The following ARL15 variants were observed in gnomAD, a reference collection of about 807,000 sequenced individuals.
ARL15 encodes ADP-ribosylation factor-like protein 15.
A neutral mutation model predicts 25.2 loss-of-function variants in ARL15; 19 were observed. The observed-to-expected ratio is 0.75, with a 90% CI of 0.53 to 1.10. ARL15 has a LOEUF of 1.10. Among genes scored for constraint, ARL15 ranks in the 50% least tolerant of loss-of-function variants. ARL15 has a pLI of 0.00. For synonymous variants in ARL15, 94 were observed against 86.8 expected (o/e 1.08, Z -0.46); for missense variants, 220 against 246.0 (o/e 0.89, Z 0.71).
chr5:54,145,116 GA>G (rs1753868628), intron 3 of ARL15, among the ~76,000 whole-genome samples: 2 of 151,640 alleles, frequency 1.3e-5, no homozygotes, highest in South Asian at 4.2e-4. Context: ...GGCTATGGAA[GA>G]AAAATATAAA....
chr5:54,021,033 G>A (rs1439790832), intron 4 of ARL15, among the ~76,000 whole-genome samples: 2 of 151,826 alleles, frequency 1.3e-5, no homozygotes, highest in African/African-American at 4.8e-5. Context: ...TTTAAAATCA[G>A]CCATCATAAA....
At chr5:54,178,372 C>G (rs1017629197) in intron 1 of ARL15, among the ~76,000 whole-genome samples, 1 of 152,174 alleles carries the variant, frequency 6.6e-6, no homozygotes, top group African/African-American at 2.4e-5. Flanking sequence ...TTCTCCACAG[C>G]CAGACTACCC....
At chr5:54,023,598 C>T (rs1749684766) in intron 4 of ARL15, among the ~76,000 whole-genome samples, 1 of 151,944 alleles carries the variant, frequency 6.6e-6, no homozygotes, top group Middle Eastern at 3.2e-3. Flanking sequence ...AACTGATACA[C>T]CAAAATATGG....
intron 1 of ARL15, among the ~76,000 whole-genome samples, chr5:54,247,968 A>G (rs1029101465): frequency 2.0e-5 from 3 of 152,186 alleles, no homozygotes; most frequent in Admixed American, 2.0e-4. Flanking sequence ...TTACAGCACG[A>G]AGACAAAAAT....
intron 1 of ARL15, among the ~76,000 whole-genome samples, chr5:54,302,450 G>C (rs932403233): frequency 6.6e-6 from 1 of 151,978 alleles, no homozygotes; most frequent in African/African-American, 2.4e-5. Flanking sequence ...ATTAAATTAG[G>C]TGATCCAAGG....
rs771075344 is a variant in ARL15 at position 53,991,563 on chromosome 5, G to GAAAAAAAAAAAAAAA, written c.463-104851_463-104850insTTTTTTTTTTTTTTT. 2.3e-5 allele frequency among the ~76,000 whole-genome samples: 3 copies of GAAAAAAAAAAAAAAA among 127,928 alleles called. 1 individual carries two copies. The highest frequency in any genetic ancestry group is 4.8e-5 in the Non-Finnish European group (3 of 62,002). 83.9% of individuals were successfully genotyped at this position (127,928 alleles called of 152,430 possible). ...ATCTCAAAAAAAAAAAAAAAAAAAG[G>GAAAAAAAAAAAAAAA]GGGGGCGGGGGGCAATTGAAGCAAT... On this transcript the variant is annotated intron_variant, in intron 4 of 4. Transcript: ENST00000504924.
chr5:53,915,371 G>A (rs1745606203), intron 4 of ARL15, among the ~76,000 whole-genome samples: 2 of 152,142 alleles, frequency 1.3e-5, no homozygotes, highest in South Asian at 4.1e-4. Context: ...TAGGCTACTG[G>A]GTGAAAAAGA....
At chr5:54,172,220 C>T (rs896281064) in intron 1 of ARL15, among the ~76,000 whole-genome samples, 3 of 152,150 alleles carry the variant, frequency 2.0e-5, no homozygotes, top group Non-Finnish European at 4.4e-5. Context: ...GCCAAAACCA[C>T]ACAATCTGAA....
intron 1 of ARL15, among the ~76,000 whole-genome samples, chr5:54,241,103 T>A (rs760342195): frequency 6.6e-5 from 10 of 152,284 alleles, no homozygotes; most frequent in Non-Finnish European, 1.2e-4. Flanking sequence ...TACTATATAA[T>A]GATACTTAAT....
chr5:54,071,013 C>T (rs1347158677), intron 4 of ARL15, among the ~76,000 whole-genome samples: 1 of 149,292 alleles, frequency 6.7e-6, no homozygotes, highest in Non-Finnish European at 1.5e-5. Context: ...TATGAAAAAA[C>T]ACAAAAATTA....
At position 54,098,773 on chromosome 5, in the gene ARL15, T is replaced by C. The variant is rs3756486; in HGVS notation, c.462+14429A>G. Among the ~76,000 whole-genome samples, 2,032 of 152,284 alleles carry C rather than the reference T, an allele frequency of 0.013. 87 individuals carry two copies. The East Asian group carries it at 0.14, about 11-fold the overall frequency. ...CCTGTTGGTTGTTAAACTTCAGACT[T>C]TGGAAAGTCTACAACTAATCCTTAA... On this transcript the variant is annotated intron_variant, in intron 4 of 4. Transcript: ENST00000504924.
At chr5:54,189,958 T>C (rs1227369848) in intron 1 of ARL15, among the ~76,000 whole-genome samples, 1 of 152,132 alleles carries the variant, frequency 6.6e-6, no homozygotes, top group Non-Finnish European at 1.5e-5. Context: ...AGACAACTCC[T>C]AAAACTGAAC....
chr5:54,069,165 C>G (rs1056761085), intron 4 of ARL15, among the ~76,000 whole-genome samples: 1 of 151,864 alleles, frequency 6.6e-6, no homozygotes, highest in African/African-American at 2.4e-5. Flanking sequence ...TGAAGTGAAG[C>G]CAAACAAATA....
At chr5:54,211,847 G>A (rs182908731) in intron 1 of ARL15, among the ~76,000 whole-genome samples, 83 of 152,234 alleles carry the variant, frequency 5.5e-4, no homozygotes, top group African/African-American at 1.8e-3. Flanking sequence ...AGGAAATAAA[G>A]AGGAGTAGAT....
chr5:54,270,169 C>G (rs767545162), intron 1 of ARL15, among the ~76,000 whole-genome samples: 1 of 152,122 alleles, frequency 6.6e-6, no homozygotes, highest in Non-Finnish European at 1.5e-5. Flanking sequence ...GATCAGCTGA[C>G]AATTTGAGTA....
intron 4 of ARL15, among the ~76,000 whole-genome samples, chr5:54,034,104 C>A (rs145835759): frequency 6.6e-6 from 1 of 152,164 alleles, no homozygotes; most frequent in Non-Finnish European, 1.5e-5. Flanking sequence ...TGAGCCACCA[C>A]GCCCGGCACA....
chr5:54,191,979 C>G (rs1272978438), intron 1 of ARL15, among the ~76,000 whole-genome samples: 2 of 152,162 alleles, frequency 1.3e-5, no homozygotes, highest in African/African-American at 2.4e-5. Flanking sequence ...CTCCCCCACT[C>G]CTAATTATTT....
At chr5:53,894,199 C>T (rs905327547) in intron 4 of ARL15, among the ~76,000 whole-genome samples, 1 of 152,198 alleles carries the variant, frequency 6.6e-6, no homozygotes, top group African/African-American at 2.4e-5. Flanking sequence ...AAGTTCAGTG[C>T]AGCCTACCTG....
chr5:54,008,160 T>G (rs768980751), intron 4 of ARL15, among the ~76,000 whole-genome samples: 5 of 152,196 alleles, frequency 3.3e-5, no homozygotes, highest in Admixed American at 6.5e-5. Context: ...CCAAGAGTCC[T>G]CTGGGCATAT....
Sources: allele counts gnomAD v4.1 joint callset (sites outside exome capture counted in the v4.1 genomes callset), GRCh38; gene constraint gnomAD v4.1.1; transcripts MANE v1.5; gene names NCBI Gene and HGNC (gene_info 2026-07-23, HGNC 2026-07-21).